The following NBAS variants were observed in gnomAD, a reference collection of about 807,000 sequenced individuals.
NBAS encodes NAG/BC035112 fusion.
NBAS carries 219 observed loss-of-function variants against 302.5 expected under a neutral mutation model. The observed-to-expected ratio is 0.72, with a 90% CI of 0.65 to 0.81. The LOEUF (loss-of-function observed/expected upper bound fraction) is 0.81, where lower values mean the gene tolerates loss of function less well. Ranked by LOEUF, NBAS falls within the 30% of genes least tolerant of loss-of-function variation. The pLI is 0.00. For missense variants in NBAS, 2,932 were observed against 2,841.6 expected, an observed-to-expected ratio of 1.03 and a Z score of -0.72; for synonymous variants, 1,118 against 1,021.6, an observed-to-expected ratio of 1.09 and a Z score of -1.80.
Position 15,468,378 on chromosome 2 carries a change from C to G in NBAS, c.1877+4G>C. On this transcript the variant is annotated splice_donor_region_variant and intron_variant, in intron 17 of 51. Coordinates refer to ENST00000281513, the MANE Select transcript of NBAS (RefSeq NM_015909.4). ...CTTTGAATCCAATTCTTTCTGTAAC[C>G]AACCTGCCATCATCTGCTCCTTTCC... 6.2e-7 allele frequency: 1 copy of G among 1,613,946 alleles called. No homozygotes were observed. The highest frequency in any genetic ancestry group is 8.5e-7 in the Non-Finnish European group (1 of 1,179,910).
chr2:14,925,355 C>A, the NBAS span, among the ~76,000 whole-genome samples: 1 of 152,090 alleles, frequency 6.6e-6, no homozygotes, highest in Admixed American at 6.5e-5. Flanking sequence ...AACTTCTCGA[C>A]AAGAAATATT....
chr2:15,388,201 A>G (rs1357073414), intron 28 of NBAS, among the ~76,000 whole-genome samples: 1 of 152,152 alleles, frequency 6.6e-6, no homozygotes, highest in Non-Finnish European at 1.5e-5. Flanking sequence ...ATGTTTCATA[A>G]TTTTCATATA....
At chr2:15,496,751 C>G (rs1681088974) in intron 11 of NBAS, among the ~76,000 whole-genome samples, 1 of 152,132 alleles carries the variant, frequency 6.6e-6, no homozygotes, top group African/African-American at 2.4e-5. Flanking sequence ...TCTAATACAC[C>G]TATTCTATTC....
At chr2:15,196,249 T>A (rs1665614205) in intron 48 of NBAS, among the ~76,000 whole-genome samples, 1 of 152,222 alleles carries the variant, frequency 6.6e-6, no homozygotes, top group Non-Finnish European at 1.5e-5. Context: ...ACTATGGTGC[T>A]GGTTATATGA....
chr2:15,489,063 C>A, intron 11 of NBAS, 41 bp from the exon 12 acceptor site: 1 of 1,605,314 alleles, frequency 6.2e-7, no homozygotes, highest in South Asian at 1.1e-5. Context: ...GACTTATGGT[C>A]AAATGTAAAT....
intron 32 of NBAS, among the ~76,000 whole-genome samples, chr2:15,365,739 AT>A (rs1674167075): frequency 6.6e-6 from 1 of 152,212 alleles, no homozygotes; most frequent in South Asian, 2.1e-4. Flanking sequence ...AGACTCCTAC[AT>A]AATACAATTT....
chr2:14,997,982 C>T, the NBAS span, among the ~76,000 whole-genome samples: 24 of 152,132 alleles, frequency 1.6e-4, no homozygotes, highest in Non-Finnish European at 2.9e-5. Flanking sequence ...CCTTTCTCCT[C>T]GCTTTTTCCC....
chr2:15,219,055 C>T (rs1666796068), intron 47 of NBAS, 87 bp from the exon 48 acceptor site: 1 of 1,503,382 alleles, frequency 6.7e-7, no homozygotes, highest in East Asian at 2.4e-5. Flanking sequence ...ACTGACCTAA[C>T]ACTTGTTTGT....
intron 11 of NBAS, among the ~76,000 whole-genome samples, chr2:15,493,642 G>A (rs1680953670): frequency 6.6e-6 from 1 of 151,134 alleles, no homozygotes; most frequent in Non-Finnish European, 1.5e-5. Context: ...ACTGCAGCCT[G>A]GGCAACACAG....
intron 44 of NBAS, among the ~76,000 whole-genome samples, chr2:15,249,465 G>A (rs564267785): frequency 1.8e-4 from 28 of 152,156 alleles, no homozygotes; most frequent in African/African-American, 5.5e-4. Context: ...TTCTGGCCAG[G>A]GCAATCACGC....
chr2:15,060,522 ACAAGC>A, the NBAS span, among the ~76,000 whole-genome samples: 1 of 152,120 alleles, frequency 6.6e-6, no homozygotes, highest in East Asian at 1.9e-4. Flanking sequence ...GGCATCGGTG[ACAAGC>A]TAGGCGCACA....
chr2:15,064,131 C>T, the NBAS span, among the ~76,000 whole-genome samples: 185 of 151,804 alleles, frequency 1.2e-3, 2 homozygotes, highest in Non-Finnish European at 2.1e-3. Flanking sequence ...ATTGAAGTCT[C>T]CTACAAACTG....
At position 15,438,603 on chromosome 2, in the gene NBAS, C is replaced by T. The variant is rs960643368; in HGVS notation, c.2340-10809G>A. Among the ~76,000 whole-genome samples, 22 of 152,310 alleles carry T rather than the reference C, an allele frequency of 1.4e-4. No individual in the cohort carries two copies. In the East Asian group the frequency reaches 3.5e-3, roughly 24 times the overall value. On this transcript the variant is annotated intron_variant, in intron 21 of 51. Coordinates refer to ENST00000281513, the MANE Select transcript of NBAS (RefSeq NM_015909.4). ...GAAAAAAACAAAGTGAGCCCAGCAG[C>T]GCCCTCGCTCACTGCCTGAAGAGAA...
chr2:15,399,095 T>TA (rs1676018958), intron 26 of NBAS, among the ~76,000 whole-genome samples: 1 of 152,188 alleles, frequency 6.6e-6, no homozygotes, highest in Non-Finnish European at 1.5e-5. Context: ...GTAGACAAAT[T>TA]ACTATTTAAT....
the NBAS span, among the ~76,000 whole-genome samples, chr2:15,075,042 G>T: frequency 8.5e-5 from 13 of 152,090 alleles, no homozygotes; most frequent in African/African-American, 3.1e-4. Context: ...CTTCAAATCG[G>T]CAATTCTACT....
At chr2:15,098,403 T>C in the NBAS span, among the ~76,000 whole-genome samples, 97 of 18,044 alleles carry the variant, frequency 5.4e-3, 1 homozygote, top group African/African-American at 8.5e-3. Flanking sequence ...TATTATATAT[T>C]ATATATGATA....
chr2:14,905,480 A>C, the NBAS span, among the ~76,000 whole-genome samples: 1 of 151,882 alleles, frequency 6.6e-6, no homozygotes, highest in Admixed American at 6.6e-5. Flanking sequence ...GCTGCGGGAG[A>C]CTTGGGCCAA....
chr2:15,079,885 C>T, the NBAS span, among the ~76,000 whole-genome samples: 1 of 152,166 alleles, frequency 6.6e-6, no homozygotes, highest in African/African-American at 2.4e-5. Flanking sequence ...CTAATAAGTA[C>T]TTACAAATAA....
At chr2:15,457,625 C>G (rs1679308758) in intron 21 of NBAS, among the ~76,000 whole-genome samples, 1 of 152,172 alleles carries the variant, frequency 6.6e-6, no homozygotes, top group Non-Finnish European at 1.5e-5. Context: ...GAGCTATGCT[C>G]TACTCATCCT....
Sources: gnomAD v4.1 joint callset for allele counts (sites outside exome capture counted in the v4.1 genomes callset) on GRCh38, gnomAD v4.1.1 for gene constraint, MANE v1.5 for transcripts, NCBI Gene and HGNC (gene_info 2026-07-23, HGNC 2026-07-21) for gene names.